Variants in PIK3C2B observed in about 807,000 individuals in gnomAD.
PIK3C2B encodes phosphatidylinositol-4-phosphate 3-kinase catalytic subunit type 2 beta.
PIK3C2B carries 83 observed loss-of-function variants against 184.3 expected under a neutral mutation model. The ratio of observed to expected loss-of-function variants is 0.45; its 90% CI spans 0.38 to 0.54. The LOEUF is 0.54. PIK3C2B is among the 20% of genes least tolerant of loss of function. The pLI, the probability that PIK3C2B is intolerant of heterozygous loss-of-function variation, is 0.00. For missense variants in PIK3C2B, 1,736 were observed against 2,113.5 expected (o/e 0.82, Z 3.50); for synonymous variants, 779 against 837.6 (o/e 0.93, Z 1.21).
rs761474899 is a variant in PIK3C2B, at chr1:204,469,394, C to T, written c.409G>A (p.Gly137Arg). 2.0e-6 allele frequency: 3 copies of T among 1,537,546 alleles called. No individual in the cohort carries two copies. The South Asian group carries it at 3.9e-5, about 20-fold the overall frequency. ...CCTGGTCCTGGGGACGAAGAGACTC[C>T]CCCATCTGAACCATCAAAAATGTAG... ...YLYIFDGSDGGVSSSPGPGDI... is the reference protein window; with the variant it reads ...YLYIFDGSDGRVSSSPGPGDI... The change falls in exon 2 of 33, where the codon GGA becomes AGA. Residue 137 changes from glycine (G) to arginine (R), a missense_variant. By Grantham distance (125) the Gly-to-Arg change is moderately radical. Coordinates refer to ENST00000684373, the MANE Select transcript of PIK3C2B (RefSeq NM_001377334.1).
chr1:204,475,170 T>C (rs1656618847), intron 1 of PIK3C2B, among the ~76,000 whole-genome samples: 1 of 152,152 alleles, frequency 6.6e-6, no homozygotes, highest in Admixed American at 6.5e-5. Context: ...TCTGATCACC[T>C]CGCTTCCTGC....
At chr1:204,440,162 C>A in intron 22 of PIK3C2B, 30 bp downstream of exon 22, 1 of 1,599,014 alleles carries the variant, frequency 6.3e-7, no homozygotes. Context: ...GCGGTCCCCT[C>A]CTCCACCCTC....
intron 22 of PIK3C2B, 93 bp from the exon 23 acceptor site, chr1:204,439,164 A>C: frequency 7.7e-7 from 1 of 1,304,702 alleles, no homozygotes; most frequent in Non-Finnish European, 1.1e-6. Flanking sequence ...CTTCCCTATA[A>C]ATTAAGCTGT....
In PIK3C2B at chr1:204,440,203, C is replaced by G. The variant is rs769664177; in HGVS notation, c.3368G>C (p.Gly1123Ala). ...TACTCCCAACTGACCTCTGCCCCGGCCGGTGGAGAAGCAGCGGAAGATGAC... is the reference window on the plus strand; with the variant it reads ...TACTCCCAACTGACCTCTGCCCCGGGCGGTGGAGAAGCAGCGGAAGATGAC... ...RMVIFRCFSTGRGRGMVEMIP... is the reference protein window; with the variant it reads ...RMVIFRCFSTARGRGMVEMIP... Residue 1123 changes from glycine (G) to alanine (A), a missense_variant, in exon 22 of 33, where the codon GGC becomes GCC. Transcript: ENST00000684373. 2 of 1,612,136 alleles carry G rather than the reference C, an allele frequency of 1.2e-6. No individual in the cohort carries two copies. The highest frequency in any genetic ancestry group is 2.2e-5 in the South Asian group (2 of 91,052).
At chr1:204,454,500 AG>A in intron 12 of PIK3C2B, 168 bp downstream of exon 12, 22 of 577,670 alleles carry the variant, frequency 3.8e-5, no homozygotes, top group South Asian at 1.1e-4. Context: ...AAAAAAAAAA[AG>A]AGTCAGGGAA....
chr1:204,428,160 T>C lies in PIK3C2B; in HGVS notation c.4459A>G (p.Ser1487Gly), dbSNP rs1674848926. ...LPRDEKAMGT[S>G]PAPKSSDGTW... ...GTACCTGAGGACTTAGGAGCTGGGCTGGTGCCCATAGCCTTCTCATCCCGG... is the reference window on the plus strand; with the variant it reads ...GTACCTGAGGACTTAGGAGCTGGGCCGGTGCCCATAGCCTTCTCATCCCGG... Residue 1487 changes from serine to glycine, a missense_variant, in exon 30 of 33, where the codon AGC becomes GGC. Around this residue, in one of 8 missense-constraint regions of PIK3C2B, gnomAD observed 200 missense variants for 199.1 expected, o/e 1.00. Transcript: ENST00000684373. 1 of 1,609,330 alleles carries C rather than the reference T, an allele frequency of 6.2e-7. No individual in the cohort carries two copies. Among genetic ancestry groups the C allele is most frequent in the Non-Finnish European group, 8.5e-7 (1 of 1,175,720 alleles).
chr1:204,434,347 T>G, intron 24 of PIK3C2B, 92 bp downstream of exon 24: 1 of 1,146,498 alleles, frequency 8.7e-7, no homozygotes, highest in Non-Finnish European at 1.3e-6. Flanking sequence ...GAGGCCCAGC[T>G]GCTTCCATCA....
chr1:204,466,210 C>A (rs1333958895), intron 2 of PIK3C2B, among the ~76,000 whole-genome samples: 3 of 152,148 alleles, frequency 2.0e-5, no homozygotes, highest in African/African-American at 7.2e-5. Flanking sequence ...CTGCTCAGGG[C>A]AGCCTGGGAG....
rs1420914603 is a variant in PIK3C2B, at chr1:204,433,212, C to T, written c.3953+104G>A. 6.1e-6 allele frequency: 4 copies of T among 654,912 alleles called. No individual in the cohort carries two copies. The highest frequency in any genetic ancestry group is 1.1e-5 in the Non-Finnish European group (4 of 366,576). 40.6% of individuals were successfully genotyped at this position (654,912 alleles called of 1,614,324 possible). ...CGTGGTCAGCTCTAGGCTCTAGCAT[C>T]TGAGCTAAGCTTTTCACCTTTCCCC... is the stretch of plus-strand genomic sequence containing the variant. On this transcript the variant is annotated intron_variant, in intron 26 of 32. Transcript: ENST00000684373. The surrounding 1 kb of genome is among the most constrained non-coding windows in gnomAD (Gnocchi z 5.0).
At position 204,469,893 on chromosome 1, in the gene PIK3C2B, G is replaced by GT; in HGVS notation, c.-84-8dup. On this transcript the variant is annotated splice_polypyrimidine_tract_variant and splice_region_variant and intron_variant, in intron 1 of 32. Transcript: ENST00000684373. Reference sequence around the variant, plus strand: ...TGACATGGTGTCTGGGCGCCTGCAGGTGAGGGGTAAAAATATCAATCAGTC... The same window carrying GT: ...TGACATGGTGTCTGGGCGCCTGCAGGTTGAGGGGTAAAAATATCAATCAGTC... 1.3e-6 allele frequency: 1 copy of GT among 741,626 alleles called. No individual in the cohort carries two copies. The allele number at this position is 741,626 out of a possible 1,614,324, so 45.9% of individuals were successfully genotyped here. A position where few individuals can be genotyped will look rare whatever the true frequency, so the allele number is the denominator to read the frequency against.
At chr1:204,431,404 T>C in intron 28 of PIK3C2B, 2 of 518,438 alleles carry the variant, frequency 3.9e-6, no homozygotes, top group Non-Finnish European at 7.0e-6. Flanking sequence ...TGTAACTCTT[T>C]AAAAAATTAG....
At chr1:204,480,712 C>CA (rs1657055536) in intron 1 of PIK3C2B, among the ~76,000 whole-genome samples, 1 of 151,820 alleles carries the variant, frequency 6.6e-6, no homozygotes, top group Non-Finnish European at 1.5e-5. Flanking sequence ...CAGCTGACAG[C>CA]CACCTGCTCA....
chr1:204,489,993 C>A (rs1657905068), intron 1 of PIK3C2B: 1 of 397,230 alleles, frequency 2.5e-6, no homozygotes, highest in South Asian at 1.3e-4. Flanking sequence ...AAGCTTCTTC[C>A]TGGTGGGCTT....
At position 204,433,259 on chromosome 1, in the gene PIK3C2B, G is replaced by T; in HGVS notation, c.3953+57C>A. The T allele has an allele frequency of 1.1e-6, 1 of 952,276 alleles. No individual in the cohort carries two copies. Among genetic ancestry groups the T allele is most frequent in the Non-Finnish European group, 1.7e-6 (1 of 593,014 alleles). 59.0% of individuals were successfully genotyped at this position (952,276 alleles called of 1,614,324 possible). A position where few individuals can be genotyped will look rare whatever the true frequency, so the allele number is the denominator to read the frequency against. ...CCCCAGTCCTCCTCCTGCCAATCCG[G>T]CAGGCTGGGAATTACTCAGGGTGGG... On this transcript the variant is annotated intron_variant, in intron 26 of 32. Coordinates refer to ENST00000684373, the MANE Select transcript of PIK3C2B (RefSeq NM_001377334.1). This position sits in a 1 kb window ranked among gnomAD's most constrained non-coding sequence, Gnocchi z 5.0.
intron 8 of PIK3C2B, among the ~76,000 whole-genome samples, chr1:204,458,814 A>C (rs1655084383): frequency 6.6e-6 from 1 of 152,034 alleles, no homozygotes. Flanking sequence ...CGATTCTTAC[A>C]CTTCTCTACC....
intron 15 of PIK3C2B, among the ~76,000 whole-genome samples, chr1:204,446,738 A>T (rs1653905035): frequency 6.6e-6 from 1 of 151,952 alleles, no homozygotes; most frequent in Admixed American, 6.6e-5. Context: ...AGAGTGGGGG[A>T]AGGGAGGTCT....
At chr1:204,425,875 G>T in intron 31 of PIK3C2B, 134 bp from the exon 32 acceptor site, 1 of 751,746 alleles carries the variant, frequency 1.3e-6, no homozygotes, top group Non-Finnish European at 2.2e-6. Flanking sequence ...TAATTTATTT[G>T]TCTGCTTCCA....
Position 204,434,459 on chromosome 1 carries a change from C to G in PIK3C2B, c.3666G>C (p.Gln1222His). ...CTTACCGCTTGATGTTGCCAAACAT[C>G]TGGGCATGGCCCAGGAAGCGGCCAA... ...IDFGRFLGHA[Q>H]MFGNIKRDRA... Residue 1222 changes from glutamine to histidine, a missense_variant, in exon 24 of 33, where the codon CAG (glutamine) becomes CAC (histidine). Coordinates refer to ENST00000684373, the MANE Select transcript of PIK3C2B (RefSeq NM_001377334.1). The G allele has an allele frequency of 1.9e-6, 3 of 1,614,190 alleles. No individual in the cohort carries two copies. The highest frequency in any genetic ancestry group is 2.5e-6 in the Non-Finnish European group (3 of 1,180,002).
chr1:204,458,737 GC>G (rs1655076423), intron 8 of PIK3C2B, among the ~76,000 whole-genome samples: 1 of 151,722 alleles, frequency 6.6e-6, no homozygotes, highest in Non-Finnish European at 1.5e-5. Flanking sequence ...CAGGTGACCC[GC>G]CCACCTCAGC....
Sources: allele counts gnomAD v4.1 joint callset (sites outside exome capture counted in the v4.1 genomes callset), GRCh38; gene constraint gnomAD v4.1.1; regional missense constraint gnomAD v4.1.1; non-coding constraint Gnocchi (gnomAD v3.1); transcripts MANE v1.5; gene names NCBI Gene and HGNC (gene_info 2026-07-23, HGNC 2026-07-21).